Variants in CEP295 observed in about 807,000 individuals in gnomAD.
CEP295 encodes the protein centrosomal protein of 295 kDa.
In CEP295, 190 loss-of-function variants were observed where a neutral mutation model predicts 291.6. That is an observed-to-expected ratio of 0.65 (90% CI 0.58 to 0.73). The LOEUF (loss-of-function observed/expected upper bound fraction) is 0.73, where lower values mean the gene tolerates loss of function less well. CEP295 is among the 30% of genes least tolerant of loss of function. The probability of loss-of-function intolerance (pLI) is 0.00; values close to 1 mark genes in which losing one functional copy is unlikely to be tolerated. For missense variants in CEP295, 2,863 were observed against 2,949.4 expected (o/e 0.97, Z 0.68); for synonymous variants, 993 against 1,038.8 (o/e 0.96, Z 0.85).
rs973594616 is a variant in CEP295, at chr11:93,722,762, AT to A, written c.5948-270del. 8.6e-4 allele frequency: 241 copies of A among 279,138 alleles called. 1 individual carries two copies. The highest frequency in any genetic ancestry group is 4.0e-3 in the African/African-American group (182 of 45,416). 17.3% of individuals were successfully genotyped at this position (279,138 alleles called of 1,614,324 possible). A position where few individuals can be genotyped will look rare whatever the true frequency, so the allele number is the denominator to read the frequency against. ...GGAATATAGTGTCGCTGTCAATTAC[AT>A]TTTTTTTTCTTTTGAGATGGAGTCT... On this transcript the variant is annotated intron_variant, in intron 20 of 29. Coordinates refer to ENST00000325212, the MANE Select transcript of CEP295 (RefSeq NM_033395.2).
chr11:93,696,331 T>C lies in CEP295; in HGVS notation c.1683T>C (p.Ala561=). The change falls in exon 14 of 30, where the codon GCT becomes GCC. Residue 561 remains alanine (A), a synonymous_variant. Coordinates refer to ENST00000325212, the MANE Select transcript of CEP295 (RefSeq NM_033395.2). ...KKTQPTGVGI[A]PASCPVISDE... is the part of the protein sequence containing the mutation. ...TTGTCTTTTATTAGGTTGGCATTGC[T>C]CCAGCATCATGCCCTGTAATTTCTG... The C allele has an allele frequency of 6.5e-7, 1 of 1,546,926 alleles. No homozygotes were observed. The highest frequency in any genetic ancestry group is 1.4e-5 in the African/African-American group (1 of 73,048).
Position 93,696,363 on chromosome 11 carries a change from A to G in CEP295, c.1715A>G (p.Asp572Gly). The G allele has an allele frequency of 6.4e-7, 1 of 1,550,874 alleles. No individual in the cohort carries two copies. Among genetic ancestry groups the G allele is most frequent in the Non-Finnish European group, 8.7e-7 (1 of 1,146,484 alleles). The change falls in exon 14 of 30, where the codon GAT becomes GGT. Residue 572 changes from aspartate to glycine, a missense_variant. By Grantham distance (94) the Asp-to-Gly change is moderately conservative (BLOSUM62 -1). Coordinates refer to ENST00000325212, the MANE Select transcript of CEP295 (RefSeq NM_033395.2). ...TCATGCCCTGTAATTTCTGATGAAG[A>G]TAGTCATAGGCAGATGATTCGTAAC... ...PASCPVISDE[D>G]SHRQMIRNYQ...
rs1437493579 is a variant in CEP295 at position 93,702,279 on chromosome 11, G to C, written c.5275-181G>C. On this transcript the variant is annotated intron_variant, in intron 15 of 29. Coordinates refer to ENST00000325212, the MANE Select transcript of CEP295 (RefSeq NM_033395.2). ...TGGCCGAATGGTTGTATTTTCAATG[G>C]AAATATCCTTTTGGCATTAGAAGCA... Among the ~76,000 whole-genome samples, 4 of 152,088 alleles carry C rather than the reference G, an allele frequency of 2.6e-5. No homozygotes were observed. The East Asian group carries it at 7.7e-4, about 29-fold the overall frequency.
chr11:93,722,832 T>G (rs1953841857), intron 20 of CEP295: 3 of 416,562 alleles, frequency 7.2e-6, no homozygotes, highest in Admixed American at 8.2e-5. Flanking sequence ...ATCTCGGCTC[T>G]CCCGAGTAGC....
Position 93,700,019 on chromosome 11 carries a change from A to G in CEP295, c.5107A>G (p.Thr1703Ala). ...RLLSFSQSVL[T>A]QQDNLGLQKQ... ...TTTGAGTTTTTCACAGTCTGTCTTAACTCAGCAAGATAACTTGGGACTTCA... is the reference window on the plus strand; with the variant it reads ...TTTGAGTTTTTCACAGTCTGTCTTAGCTCAGCAAGATAACTTGGGACTTCA... Residue 1703 changes from threonine to alanine, a missense_variant, in exon 15 of 30, where the codon ACT becomes GCT. Thr to Ala is a moderately conservative substitution (Grantham distance 58, BLOSUM62 0). Transcript: ENST00000325212. 6.4e-7 allele frequency: 1 copy of G among 1,551,754 alleles called. No homozygotes were observed. Among genetic ancestry groups the G allele is most frequent in the Non-Finnish European group, 8.7e-7 (1 of 1,146,970 alleles).
intron 1 of CEP295, among the ~76,000 whole-genome samples, chr11:93,662,087 G>C (rs1950017203): frequency 6.6e-6 from 1 of 152,186 alleles, no homozygotes. Flanking sequence ...GGGGAGGGGC[G>C]CTTCCCCCAG....
At chr11:93,728,488 T>G (rs993049962) in intron 24 of CEP295, 193 bp from the exon 25 acceptor site, 7 of 470,162 alleles carry the variant, frequency 1.5e-5, no homozygotes, top group Non-Finnish European at 2.6e-5. Flanking sequence ...GGCTCCAGTA[T>G]TTCTACAACT....
chr11:93,717,720 G>A (rs943925164), intron 18 of CEP295, among the ~76,000 whole-genome samples: 1 of 152,044 alleles, frequency 6.6e-6, no homozygotes, highest in East Asian at 1.9e-4. Context: ...TTCAGATGTG[G>A]TTACAAGGGG....
chr11:93,682,725 G>C (rs1336321937), intron 7 of CEP295, among the ~76,000 whole-genome samples: 1 of 151,976 alleles, frequency 6.6e-6, no homozygotes, highest in African/African-American at 2.4e-5. Context: ...ACTAATATTT[G>C]ACTTCTACCT....
chr11:93,722,919 G>C, intron 20 of CEP295, 122 bp from the exon 21 acceptor site: 1 of 695,368 alleles, frequency 1.4e-6, no homozygotes, highest in Non-Finnish European at 2.4e-6. Flanking sequence ...CCATGTTGGC[G>C]AGATGGTCTC....
At chr11:93,688,402 C>T (rs1951352787) in intron 10 of CEP295, among the ~76,000 whole-genome samples, 2 of 152,070 alleles carry the variant, frequency 1.3e-5, no homozygotes, top group Non-Finnish European at 2.9e-5. Context: ...TCAAGTATCT[C>T]CTTGATTGGG....
chr11:93,676,368 CAA>C (rs934204608), intron 6 of CEP295, among the ~76,000 whole-genome samples: 15 of 151,888 alleles, frequency 9.9e-5, no homozygotes, highest in Admixed American at 9.2e-4. Flanking sequence ...TTAAGAGTAA[CAA>C]ATGATATATT....
intron 18 of CEP295, among the ~76,000 whole-genome samples, chr11:93,711,897 T>C (rs1312931140): frequency 6.6e-6 from 1 of 152,040 alleles, no homozygotes; most frequent in African/African-American, 2.4e-5. Flanking sequence ...CAATGATCCA[T>C]GTGCTGAGGA....
At chr11:93,680,767 A>G (rs1387135304) in intron 7 of CEP295, among the ~76,000 whole-genome samples, 2 of 152,252 alleles carry the variant, frequency 1.3e-5, no homozygotes, top group African/African-American at 4.8e-5. Flanking sequence ...GTCTTAAAAT[A>G]TAGCATAAAA....
At chr11:93,676,560 T>TGA (rs1367476370) in intron 6 of CEP295, among the ~76,000 whole-genome samples, 2 of 152,026 alleles carry the variant, frequency 1.3e-5, no homozygotes, top group African/African-American at 4.8e-5. Context: ...AGAACTAAAA[T>TGA]GAATATCATC....
At chr11:93,696,064 G>A (rs1459681145) in intron 13 of CEP295, among the ~76,000 whole-genome samples, 1 of 152,098 alleles carries the variant, frequency 6.6e-6, no homozygotes. Flanking sequence ...ATTTGCATCA[G>A]TTACGGCTTT....
At chr11:93,662,654 T>C (rs1421712627) in intron 1 of CEP295, among the ~76,000 whole-genome samples, 1 of 152,206 alleles carries the variant, frequency 6.6e-6, no homozygotes, top group African/African-American at 2.4e-5. Flanking sequence ...TTCCGATTGA[T>C]AATTGTAGAA....
Position 93,687,827 on chromosome 11 carries a change from C to T in CEP295, c.1298C>T (p.Ala433Val). Reference protein sequence around the residue: ...KAPTVESGTIASKERTLSSGQ... With the variant: ...KAPTVESGTIVSKERTLSSGQ... ...CCAACGGTTGAGTCAGGAACAATTG[C>T]CAGCAAAGAGAGAACGTTATCCTCT... Residue 433 changes from alanine to valine, a missense_variant, in exon 10 of 30, where the codon GCC becomes GTC. This residue lies in a region of CEP295 where 554 missense variants were observed against 576.0 expected (regional missense o/e 0.96). Coordinates refer to ENST00000325212, the MANE Select transcript of CEP295 (RefSeq NM_033395.2). The T allele has an allele frequency of 5.2e-6, 8 of 1,550,938 alleles. No homozygotes were observed. Among genetic ancestry groups the T allele is most frequent in the Non-Finnish European group, 7.0e-6 (8 of 1,146,564 alleles).
At position 93,696,365 on chromosome 11, in the gene CEP295, A is replaced by G. The variant is rs758106524; in HGVS notation, c.1717A>G (p.Ser573Gly). The stretch of plus-strand genomic sequence containing the variant: ...ATGCCCTGTAATTTCTGATGAAGAT[A>G]GTCATAGGCAGATGATTCGTAACTA... ...ASCPVISDED[S>G]HRQMIRNYQH... Residue 573 changes from serine (S) to glycine (G), a missense_variant, in exon 14 of 30, where the codon AGT becomes GGT. By Grantham distance (56) the Ser-to-Gly change is moderately conservative. Transcript: ENST00000325212. The G allele has an allele frequency of 6.4e-7, 1 of 1,550,670 alleles. No individual in the cohort carries two copies. Among genetic ancestry groups the G allele is most frequent in the Non-Finnish European group, 8.7e-7 (1 of 1,146,302 alleles).
Sources: allele counts gnomAD v4.1 joint callset (sites outside exome capture counted in the v4.1 genomes callset), GRCh38; gene constraint gnomAD v4.1.1; regional missense constraint gnomAD v4.1.1; transcripts MANE v1.5; gene names NCBI Gene and HGNC (gene_info 2026-07-23, HGNC 2026-07-21).